Variants in NRL observed in about 807,000 individuals in gnomAD.
The protein encoded by NRL is neural retina-specific leucine zipper protein.
Under a neutral mutation model 12.5 loss-of-function variants are expected in NRL, and 16 were observed. The observed-to-expected ratio is 1.28, with a 90% CI of 0.87 to 1.95. The LOEUF (loss-of-function observed/expected upper bound fraction) is 1.95. Among genes scored for constraint, NRL ranks in the 30% most tolerant of loss-of-function variants. The probability of loss-of-function intolerance (pLI) is 0.00; values close to 1 mark genes in which losing one functional copy is unlikely to be tolerated. For synonymous variants in NRL, 142 were observed against 150.9 expected (o/e 0.94, Z 0.43); for missense variants, 314 against 325.8 (o/e 0.96, Z 0.28).
intron 1 of NRL, among the ~76,000 whole-genome samples, chr14:24,088,425 AG>A (rs1193709809): frequency 6.6e-6 from 1 of 152,230 alleles, no homozygotes; most frequent in African/African-American, 2.4e-5. Flanking sequence ...TTGCAGTCCA[AG>A]ATGGTGTCAG....
intron 1 of NRL, 114 bp downstream of exon 1, chr14:24,114,608 T>G: frequency 8.7e-6 from 8 of 917,804 alleles, no homozygotes; most frequent in Non-Finnish European, 1.0e-5. Context: ...TTCGGCTGTC[T>G]CTGATTCAGG....
intron 1 of NRL, among the ~76,000 whole-genome samples, chr14:24,113,679 C>T (rs1367552512): frequency 6.6e-6 from 1 of 152,236 alleles, no homozygotes; most frequent in Non-Finnish European, 1.5e-5. Flanking sequence ...CCCTTCTAAG[C>T]GCAGAGGCCA....
Position 24,114,873 on chromosome 14 carries a change from C to G in NRL, c.-179G>C, listed in dbSNP as rs923182996. ...GGTTGGCCAACGCAGTGGCGGCAGT[C>G]GGTGTAAACAAGGCCTCGCGCCGCT... On this transcript the variant is annotated 5_prime_UTR_variant, in exon 1 of 3. Transcript: ENST00000561028. The G allele has an allele frequency of 2.6e-5, 26 of 985,814 alleles. No homozygotes were observed. The African/African-American group carries it at 4.5e-4, about 17-fold the overall frequency. 61.1% of individuals were successfully genotyped at this position (985,814 alleles called of 1,614,324 possible). A position where few individuals can be genotyped will look rare whatever the true frequency, so the allele number is the denominator to read the frequency against.
At chr14:24,084,082 G>T (rs999575180) in intron 1 of NRL, among the ~76,000 whole-genome samples, 1 of 152,152 alleles carries the variant, frequency 6.6e-6, no homozygotes, top group Non-Finnish European at 1.5e-5. Context: ...CCTTCTAGAT[G>T]CCCCAAGCCT....
intron 1 of NRL, among the ~76,000 whole-genome samples, chr14:24,090,877 G>T (rs1255947164): frequency 2.6e-5 from 4 of 152,210 alleles, no homozygotes. Context: ...TGGGGAAGAA[G>T]AATTCAGAAA....
chr14:24,108,524 G>T (rs983978927), intron 1 of NRL, among the ~76,000 whole-genome samples: 2 of 150,862 alleles, frequency 1.3e-5, no homozygotes, highest in Non-Finnish European at 3.0e-5. Flanking sequence ...TAGAGATGGG[G>T]TCTCACTATG....
At chr14:24,084,827 A>C in intron 1 of NRL, 1 of 554,436 alleles carries the variant, frequency 1.8e-6, no homozygotes, top group Non-Finnish European at 2.3e-6. Context: ...TTCCCCAACA[A>C]AGCTCCTCAC....
intron 1 of NRL, among the ~76,000 whole-genome samples, chr14:24,096,487 A>G (rs910981402): frequency 1.3e-5 from 2 of 152,050 alleles, no homozygotes; most frequent in Non-Finnish European, 2.9e-5. Context: ...CACCTGCCTC[A>G]GCCTCCCAAA....
chr14:24,102,023 T>C (rs2037180520), intron 1 of NRL, among the ~76,000 whole-genome samples: 1 of 151,056 alleles, frequency 6.6e-6, no homozygotes, highest in East Asian at 2.0e-4. Context: ...GTCAGGAGTT[T>C]GAAACCAGCC....
rs1464561317 is a variant in NRL at position 24,080,463 on chromosome 14, T to C, written c.*773A>G. 1 of 152,588 alleles carries C rather than the reference T, an allele frequency of 6.6e-6. No individual in the cohort carries two copies. Among genetic ancestry groups the C allele is most frequent in the Admixed American group, 6.5e-5 (1 of 15,284 alleles). 9.5% of individuals were successfully genotyped at this position (152,588 alleles called of 1,614,324 possible). A position where few individuals can be genotyped will look rare whatever the true frequency, so the allele number is the denominator to read the frequency against. On this transcript the variant is annotated 3_prime_UTR_variant, in exon 3 of 3. Transcript: ENST00000561028. ...GACTTCTTGGGGAGACCACCGGGAC[T>C]TCCATACTGGGGAGATGCCAGAACT... is the stretch of plus-strand genomic sequence containing the variant.
chr14:24,107,377 G>A (rs370819048), intron 1 of NRL, among the ~76,000 whole-genome samples: 2 of 152,020 alleles, frequency 1.3e-5, no homozygotes, highest in Non-Finnish European at 2.9e-5. Context: ...ACAAAGTTAT[G>A]GCTGAATAAA....
At chr14:24,102,622 T>C (rs755213425) in intron 1 of NRL, 45 of 731,374 alleles carry the variant, frequency 6.2e-5, no homozygotes, top group Non-Finnish European at 9.5e-5. Flanking sequence ...CTGCTCCTTA[T>C]CACACAAGGT....
In NRL at chr14:24,085,858, C is replaced by T. The variant is rs2036453842; in HGVS notation, c.-27-2983G>A. On this transcript the variant is annotated intron_variant, in intron 1 of 2. Transcript: ENST00000561028. The surrounding 1 kb of genome is among the most constrained non-coding windows in gnomAD (Gnocchi z 4.1). The stretch of plus-strand genomic sequence containing the variant: ...CATGTTACCTGATCTCACCTTAAAT[C>T]TACTGAGTCAGAAACTCCGGGGGTG... Among the ~76,000 whole-genome samples, 1 of 152,230 alleles carries T rather than the reference C, an allele frequency of 6.6e-6. No homozygotes were observed. Among genetic ancestry groups the T allele is most frequent in the African/African-American group, 2.4e-5 (1 of 41,452 alleles).
chr14:24,100,512 TA>T, intron 1 of NRL: 1 of 863,350 alleles, frequency 1.2e-6, no homozygotes, highest in Non-Finnish European at 1.6e-6. Context: ...AAATAGTGCA[TA>T]AAAAGGGTTT....
In NRL at chr14:24,081,021, T is replaced by C. The variant is rs1483090536; in HGVS notation, c.*215A>G. ...AGTCATGTGGGCTGGGTTTCTGTGTTCGTAAGGGGAGGGGACCCCTCTCCA... is the reference window on the plus strand; with the variant it reads ...AGTCATGTGGGCTGGGTTTCTGTGTCCGTAAGGGGAGGGGACCCCTCTCCA... On this transcript the variant is annotated 3_prime_UTR_variant, in exon 3 of 3. Transcript: ENST00000561028. This position sits in a 1 kb window ranked among gnomAD's most constrained non-coding sequence, Gnocchi z 4.4. The C allele has an allele frequency of 2.5e-6, 1 of 395,840 alleles. No individual in the cohort carries two copies. The highest frequency in any genetic ancestry group is 2.1e-5 in the African/African-American group (1 of 47,942). The allele number at this position is 395,840 out of a possible 1,614,324, so 24.5% of individuals were successfully genotyped here. A position where few individuals can be genotyped will look rare whatever the true frequency, so the allele number is the denominator to read the frequency against.
In NRL at chr14:24,082,879, C is replaced by A; in HGVS notation, c.-27-4G>T. ...AGCTGGGCTGGGAGGAGTGCACCTG[C>A]AAAGAGGAGGAGAGGTCTGGAGCAC... On this transcript the variant is annotated splice_region_variant and splice_polypyrimidine_tract_variant and intron_variant, in intron 1 of 2. Transcript: ENST00000561028. 4 of 1,599,286 alleles carry A rather than the reference C, an allele frequency of 2.5e-6. No homozygotes were observed. The highest frequency in any genetic ancestry group is 3.4e-6 in the Non-Finnish European group (4 of 1,171,820).
Position 24,094,291 on chromosome 14 carries a change from G to T in NRL, c.-27-11416C>A. 1 of 1,044,164 alleles carries T rather than the reference G, an allele frequency of 9.6e-7. No individual in the cohort carries two copies. The highest frequency in any genetic ancestry group is 2.9e-5 in the East Asian group (1 of 35,048). 64.7% of individuals were successfully genotyped at this position (1,044,164 alleles called of 1,614,324 possible). Reference sequence around the variant, plus strand: ...GCGCCTGCCCCCCTCCTTTTTAAGCGCCTCCCGCCAGCCTCTGCTGTGGCT... The same window carrying T: ...GCGCCTGCCCCCCTCCTTTTTAAGCTCCTCCCGCCAGCCTCTGCTGTGGCT... On this transcript the variant is annotated intron_variant, in intron 1 of 2. Coordinates refer to ENST00000561028, the MANE Select transcript of NRL (RefSeq NM_001354768.3). This position sits in a 1 kb window ranked among gnomAD's most constrained non-coding sequence, Gnocchi z 4.1.
chr14:24,094,442 AC>A lies in NRL; in HGVS notation c.-27-11568del. On this transcript the variant is annotated intron_variant, in intron 1 of 2. Transcript: ENST00000561028. The surrounding 1 kb of genome is among the most constrained non-coding windows in gnomAD (Gnocchi z 4.1). ...GTACCGCCCTGGCCTGCGGTGAGTG[AC>A]CCCCGGCCCGGGGCCCACCCGCACC... 5 of 1,540,120 alleles carry A rather than the reference AC, an allele frequency of 3.2e-6. No individual in the cohort carries two copies. The highest frequency in any genetic ancestry group is 4.1e-5 in the Admixed American group (2 of 48,776).
At position 24,081,093 on chromosome 14, in the gene NRL, G is replaced by T. The variant is rs936173220; in HGVS notation, c.*143C>A. 2.2e-5 allele frequency: 11 copies of T among 497,022 alleles called. No homozygotes were observed. Among genetic ancestry groups the T allele is most frequent in the Non-Finnish European group, 3.5e-5 (11 of 311,222 alleles). 30.8% of individuals were successfully genotyped at this position (497,022 alleles called of 1,614,324 possible). ...TCGGGCATGACTTGAGGACCCAAAA[G>T]CTTTGGGGATATTTGCGCGGTCATA... On this transcript the variant is annotated 3_prime_UTR_variant, in exon 3 of 3. Coordinates refer to ENST00000561028, the MANE Select transcript of NRL (RefSeq NM_001354768.3). The surrounding 1 kb of genome is among the most constrained non-coding windows in gnomAD (Gnocchi z 4.4).
Sources: allele counts gnomAD v4.1 joint callset (sites outside exome capture counted in the v4.1 genomes callset), GRCh38; gene constraint gnomAD v4.1.1; non-coding constraint Gnocchi (gnomAD v3.1); transcripts MANE v1.5; gene names NCBI Gene and HGNC (gene_info 2026-07-23, HGNC 2026-07-21).